The following KPTN variants were observed in gnomAD, a reference collection of about 807,000 sequenced individuals.
The protein encoded by KPTN is kaptin, actin binding protein, also known as KICSTOR complex protein kaptin.
Under a neutral mutation model 52.6 loss-of-function variants are expected in KPTN, and 36 were observed. The observed-to-expected ratio is 0.68, with a 90% CI of 0.52 to 0.90. The LOEUF (loss-of-function observed/expected upper bound fraction) is 0.90. Ranked by LOEUF, KPTN falls within the 40% of genes least tolerant of loss-of-function variation. The probability of loss-of-function intolerance (pLI) is 0.00; values close to 1 mark genes in which losing one functional copy is unlikely to be tolerated. For synonymous variants in KPTN, 271 were observed against 248.4 expected (o/e 1.09, Z -0.85); for missense variants, 529 against 576.2 (o/e 0.92, Z 0.84).
intron 11 of KPTN, 123 bp from the exon 12 acceptor site, chr19:47,475,667 C>T: frequency 8.7e-7 from 1 of 1,148,982 alleles, no homozygotes; most frequent in Middle Eastern, 2.4e-4. Context: ...GGGCAGAGAG[C>T]AGACCACAGT....
Position 47,483,303 on chromosome 19 carries a change from G to C in KPTN, c.386C>G (p.Ser129Cys), listed in dbSNP as rs1295874421. ...GTCCACGCCTCACTCACGGGCAATA[G>C]AGTCAAGGTTGTACTCAGAGCCGGG... Reference protein sequence around the residue: ...YEPGSEYNLDSIAQSCLNLEL... With the variant: ...YEPGSEYNLDCIAQSCLNLEL... The change falls in exon 3 of 12, where the codon TCT (serine) becomes TGT (cysteine). Residue 129 changes from serine to cysteine, a missense_variant. Transcript: ENST00000338134. 1.2e-6 allele frequency: 2 copies of C among 1,614,046 alleles called. No homozygotes were observed. The highest frequency in any genetic ancestry group is 4.5e-5 in the East Asian group (2 of 44,874).
At chr19:47,483,059 G>A in intron 4 of KPTN, 102 bp downstream of exon 4, 2 of 1,192,326 alleles carry the variant, frequency 1.7e-6, no homozygotes, top group Non-Finnish European at 1.2e-6. Context: ...TTTTCCAGAA[G>A]GGGAAACAGA....
intron 8 of KPTN, among the ~76,000 whole-genome samples, chr19:47,478,907 C>T (rs1334179276): frequency 3.3e-5 from 5 of 152,202 alleles, no homozygotes; most frequent in East Asian, 1.9e-4. Context: ...AGGTGGGAGG[C>T]GGTGTGGGAT....
Position 47,483,332 on chromosome 19 carries a change from G to A in KPTN, c.357C>T (p.Tyr119=), listed in dbSNP as rs777304179. The A allele has an allele frequency of 5.0e-5, 81 of 1,613,870 alleles. No homozygotes were observed. In the East Asian group the frequency reaches 1.6e-3, roughly 31 times the overall value. The change falls in exon 3 of 12, where the codon TAC becomes TAT. Residue 119 remains tyrosine (Y), a synonymous_variant. Transcript: ENST00000338134. ...GSPFLNIYCD[Y]EPGSEYNLDS... Reference sequence around the variant, plus strand: ...CAAGGTTGTACTCAGAGCCGGGCTCGTAGTCGCAGTAAATGTTCAGGAAGG... The same window carrying A: ...CAAGGTTGTACTCAGAGCCGGGCTCATAGTCGCAGTAAATGTTCAGGAAGG...
At chr19:47,477,554 A>G (rs1967714477) in intron 9 of KPTN, 152 bp downstream of exon 9, 15 of 521,774 alleles carry the variant, frequency 2.9e-5, no homozygotes, top group South Asian at 2.6e-4. Context: ...AGACTTCAAT[A>G]TTCACAGCCC....
chr19:47,476,780 TG>T, intron 10 of KPTN, 22 bp downstream of exon 10: 1 of 1,596,032 alleles, frequency 6.3e-7, no homozygotes, highest in South Asian at 1.1e-5. Flanking sequence ...CCGGTGGGTG[TG>T]GCTCCAACTG....
In KPTN at chr19:47,480,909, C is replaced by T. The variant is rs190196878; in HGVS notation, c.525+49G>A. The T allele has an allele frequency of 3.7e-6, 6 of 1,610,756 alleles. No homozygotes were observed. The East Asian group carries it at 1.3e-4, about 36-fold the overall frequency. On this transcript the variant is annotated intron_variant, in intron 5 of 11. Transcript: ENST00000338134. Reference sequence around the variant, plus strand: ...CACACATATACCCACCCAGCGCCAGCCCACAGTGAATCCCACAGGGCTCTG... The same window carrying T: ...CACACATATACCCACCCAGCGCCAGTCCACAGTGAATCCCACAGGGCTCTG...
At chr19:47,480,239 CTGG>C in intron 7 of KPTN, 56 bp downstream of exon 7, 2 of 1,047,472 alleles carry the variant, frequency 1.9e-6, no homozygotes, top group Admixed American at 2.1e-5. Context: ...CAGCCCCACC[CTGG>C]CCCCGCCCTC....
chr19:47,475,351 C>A lies in KPTN; in HGVS notation c.*65G>T, dbSNP rs539442043. On this transcript the variant is annotated 3_prime_UTR_variant, in exon 12 of 12. Coordinates refer to ENST00000338134, the MANE Select transcript of KPTN (RefSeq NM_007059.4). ...ATCCTGTCCTTCAGGACACCCCCCA[C>A]CAGCGGCTGGAGGTGAGCACGCCAT... 1.9e-6 allele frequency: 3 copies of A among 1,569,608 alleles called. No individual in the cohort carries two copies. The highest frequency in any genetic ancestry group is 3.4e-5 in the Admixed American group (2 of 57,992).
chr19:47,485,791 G>A (rs1599882955), upstream of KPTN, among the ~76,000 whole-genome samples: 1 of 152,192 alleles, frequency 6.6e-6, no homozygotes, highest in South Asian at 2.1e-4. Context: ...GTTCCTGGAG[G>A]GCAGTCTGGG....
intron 6 of KPTN, 55 bp from the exon 7 acceptor site, chr19:47,480,462 C>T (rs987345315): frequency 1.6e-6 from 2 of 1,288,664 alleles, no homozygotes; most frequent in Admixed American, 2.2e-5. Flanking sequence ...CCAGCCCCGC[C>T]CCTCTGCCTC....
chr19:47,478,168 A>T (rs1402652396), intron 8 of KPTN, among the ~76,000 whole-genome samples: 2 of 152,102 alleles, frequency 1.3e-5, no homozygotes, highest in Non-Finnish European at 2.9e-5. Context: ...AGAGACATGC[A>T]GGTTAGATCT....
At position 47,475,263 on chromosome 19, in the gene KPTN, A is replaced by G. The variant is rs1327679184; in HGVS notation, c.*153T>C. 2 of 682,792 alleles carry G rather than the reference A, an allele frequency of 2.9e-6. No individual in the cohort carries two copies. Among genetic ancestry groups the G allele is most frequent in the African/African-American group, 3.6e-5 (2 of 55,422 alleles). 42.3% of individuals were successfully genotyped at this position (682,792 alleles called of 1,614,324 possible). On this transcript the variant is annotated 3_prime_UTR_variant, in exon 12 of 12. Coordinates refer to ENST00000338134, the MANE Select transcript of KPTN (RefSeq NM_007059.4). ...AATAGGGACATTGACGTACAGAGAG[A>G]GGAGTGGGTTAGCTGGGGCCCCAGG...
Position 47,484,212 on chromosome 19 carries a change from C to G in KPTN, c.-52G>C. 6.5e-7 allele frequency: 1 copy of G among 1,542,406 alleles called. No individual in the cohort carries two copies. Among genetic ancestry groups the G allele is most frequent in the Non-Finnish European group, 8.7e-7 (1 of 1,148,148 alleles). On this transcript the variant is annotated 5_prime_UTR_variant, in exon 1 of 12. Coordinates refer to ENST00000338134, the MANE Select transcript of KPTN (RefSeq NM_007059.4). The stretch of plus-strand genomic sequence containing the variant: ...AGCCCCCGCCCCAACCCGCACTACC[C>G]AACCTACGACTCTCTAAGCGACCTG...
chr19:47,483,116 C>T, intron 4 of KPTN, 45 bp downstream of exon 4: 1 of 1,587,982 alleles, frequency 6.3e-7, no homozygotes, highest in Non-Finnish European at 8.6e-7. Context: ...GCCAGGGTTT[C>T]TACATTTACA....
intron 10 of KPTN, 30 bp from the exon 11 acceptor site, chr19:47,476,744 G>C (rs1967682999): frequency 6.2e-7 from 1 of 1,606,800 alleles, no homozygotes; most frequent in South Asian, 1.1e-5. Flanking sequence ...GGTCACACAG[G>C]TTGATGGGGG....
At chr19:47,482,857 C>A (rs1967932042) in intron 4 of KPTN, among the ~76,000 whole-genome samples, 1 of 152,174 alleles carries the variant, frequency 6.6e-6, no homozygotes, top group Non-Finnish European at 1.5e-5. Context: ...CAGGCACACA[C>A]CACCATGCCC....
rs185954300 is a variant in KPTN at position 47,477,122 on chromosome 19, T to G, written c.864-184A>C. Among the ~76,000 whole-genome samples the G allele has an allele frequency of 3.9e-4, 60 of 152,334 alleles. 1 individual carries two copies. Among genetic ancestry groups the G allele is most frequent in the African/African-American group, 1.4e-3 (58 of 41,582 alleles). On this transcript the variant is annotated intron_variant, in intron 9 of 11. Transcript: ENST00000338134. ...TCATAGACCCAGCAAGGGGTCAACC[T>G]GTGCACTCAAGCCCTTCATCTCGGA...
intron 11 of KPTN, among the ~76,000 whole-genome samples, chr19:47,475,898 T>C (rs1599867125): frequency 6.6e-6 from 1 of 150,984 alleles, no homozygotes; most frequent in Non-Finnish European, 1.5e-5. Flanking sequence ...AAGGTGGAGG[T>C]TGCAGTGAAC....
Sources: gnomAD v4.1 joint callset for allele counts (sites outside exome capture counted in the v4.1 genomes callset) on GRCh38, gnomAD v4.1.1 for gene constraint, MANE v1.5 for transcripts, NCBI Gene and HGNC (gene_info 2026-07-23, HGNC 2026-07-21) for gene names.